The following SHC1 variants were observed in gnomAD, a reference collection of about 807,000 sequenced individuals.
SHC1 encodes SHC-transforming protein 1.
In SHC1, 30 loss-of-function variants were observed where a neutral mutation model predicts 55.9. The observed-to-expected ratio is 0.54, with a 90% CI of 0.40 to 0.73. The LOEUF is 0.73. Ranked by LOEUF, SHC1 falls within the 30% of genes least tolerant of loss-of-function variation. The pLI is 0.00. For synonymous variants in SHC1, 309 were observed against 306.1 expected (o/e 1.01, Z -0.10); for missense variants, 675 against 777.1 (o/e 0.87, Z 1.56).
At position 154,963,850 on chromosome 1, in the gene SHC1, C is replaced by A. The variant is rs1208534388; in HGVS notation, c.1708G>T (p.Ala570Ser). The A allele has an allele frequency of 2.5e-6, 4 of 1,613,970 alleles. No individual in the cohort carries two copies. Among genetic ancestry groups the A allele is most frequent in the Non-Finnish European group, 3.4e-6 (4 of 1,179,968 alleles). Residue 570 changes from alanine to serine, a missense_variant, in exon 12 of 12, where the codon GCG becomes TCG. Around this residue, in one of 3 missense-constraint regions of SHC1, gnomAD observed 360 missense variants for 371.1 expected, o/e 0.97. Transcript: ENST00000448116. The part of the protein sequence containing the change: ...HMDNHLPIIS[A>S]GSELCLQQPV... Reference sequence around the variant, plus strand: ...TGCTGTAGACACAGTTCGCTGCCCGCAGAGATGATGGGCAAGTGATTGTCC... The same window carrying A: ...TGCTGTAGACACAGTTCGCTGCCCGAAGAGATGATGGGCAAGTGATTGTCC...
At position 154,964,051 on chromosome 1, in the gene SHC1, G is replaced by C. The variant is rs766244676; in HGVS notation, c.1627-120C>G. ...TGAAGGAGGAGAAAAAAATGGTGGG[G>C]GAGAGTGTGGCCTGTCAATCCTGAT... On this transcript the variant is annotated intron_variant, in intron 11 of 11. Coordinates refer to ENST00000448116, the MANE Select transcript of SHC1 (RefSeq NM_001130040.2). 6 of 1,018,116 alleles carry C rather than the reference G, an allele frequency of 5.9e-6. No homozygotes were observed. The East Asian group carries it at 1.4e-4, about 24-fold the overall frequency. The allele number at this position is 1,018,116 out of a possible 1,614,324, so 63.1% of individuals were successfully genotyped here.
At chr1:154,968,291 G>A (rs770948378) in intron 4 of SHC1, 34 bp from the exon 5 acceptor site, 1 of 1,609,898 alleles carries the variant, frequency 6.2e-7, no homozygotes, top group Admixed American at 1.7e-5. Flanking sequence ...AGAAGGAAGG[G>A]AATGCCATGT....
chr1:154,970,082 G>A lies in SHC1; in HGVS notation c.445C>T (p.Leu149=). Residue 149 remains leucine, a synonymous_variant, in exon 1 of 12, where the codon CTG becomes TTG. Coordinates refer to ENST00000448116, the MANE Select transcript of SHC1 (RefSeq NM_001130040.2). The surrounding 1 kb of genome is among the most constrained non-coding windows in gnomAD (Gnocchi z 5.5). ...CCCATGACTTTGTCGTTGGGATGCA[G>A]CCAGCCCCGCGTGGGCTTATTGACA... is the stretch of plus-strand genomic sequence containing the variant. ...SFVNKPTRGW[L]HPNDKVMGPG... The A allele has an allele frequency of 6.2e-6, 10 of 1,614,026 alleles. No individual in the cohort carries two copies. The highest frequency in any genetic ancestry group is 8.5e-6 in the Non-Finnish European group (10 of 1,179,996).
intron 4 of SHC1, 103 bp downstream of exon 4, chr1:154,968,392 G>A: frequency 6.4e-7 from 1 of 1,553,984 alleles, no homozygotes; most frequent in Non-Finnish European, 8.9e-7. Flanking sequence ...TTCCCTACTG[G>A]TCTCCTGCTC....
At chr1:154,969,773 A>G (rs1656499620) in intron 1 of SHC1, among the ~76,000 whole-genome samples, 1 of 150,134 alleles carries the variant, frequency 6.7e-6, no homozygotes. Context: ...AACACTTATT[A>G]AGAGCTTCTG....
chr1:154,967,920 A>G (rs1456678157), intron 6 of SHC1, 60 bp downstream of exon 6: 4 of 1,607,700 alleles, frequency 2.5e-6, no homozygotes, highest in Admixed American at 1.7e-5. Flanking sequence ...CAGATGACCA[A>G]AGGTCCTACT....
At chr1:154,964,047 TGGG>T (rs1334743587) in intron 11 of SHC1, 116 bp from the exon 12 acceptor site, 2 of 1,063,886 alleles carry the variant, frequency 1.9e-6, no homozygotes, top group African/African-American at 3.1e-5. Context: ...AAAAAAATGG[TGGG>T]GGAGAGTGTG....
In SHC1 at chr1:154,970,514, G is replaced by C. The variant is rs1433894167; in HGVS notation, c.13C>G (p.Pro5Ala). 3.1e-6 allele frequency: 5 copies of C among 1,606,916 alleles called. No individual in the cohort carries two copies. The highest frequency in any genetic ancestry group is 1.7e-5 in the Admixed American group (1 of 58,792). Residue 5 changes from proline to alanine, a missense_variant, in exon 1 of 12, where the codon CCC (proline) becomes GCC (alanine). By Grantham distance (27) the Pro-to-Ala change is conservative. Coordinates refer to ENST00000448116, the MANE Select transcript of SHC1 (RefSeq NM_001130040.2). The surrounding 1 kb of genome is among the most constrained non-coding windows in gnomAD (Gnocchi z 5.5). MDLL[P>A]PKPKYNPLRN... ...AGTGGATTGTACTTGGGCTTGGGGG[G>C]CAGGAGATCCATAGTTGAGGTGAAA...
At chr1:154,968,999 T>C in intron 2 of SHC1, 165 bp from the exon 3 acceptor site, 2 of 657,490 alleles carry the variant, frequency 3.0e-6, no homozygotes, top group Non-Finnish European at 5.4e-6. Context: ...TTGATGACAC[T>C]GAGAGGCCAC....
chr1:154,974,158 C>T (rs1469544680), upstream of SHC1: 2 of 154,056 alleles, frequency 1.3e-5, no homozygotes, highest in African/African-American at 4.8e-5. Context: ...AGGGGCGGGA[C>T]TTATAAATGA....
chr1:154,963,745 T>C lies in SHC1; in HGVS notation c.*58A>G. ...CACTCCCAAACGAGGTCCCGAGAGT[T>C]AGGGAATAGGGTGGAAAGGATTGGA... On this transcript the variant is annotated 3_prime_UTR_variant, in exon 12 of 12. Transcript: ENST00000448116. 1 of 1,592,838 alleles carries C rather than the reference T, an allele frequency of 6.3e-7. No individual in the cohort carries two copies. Among genetic ancestry groups the C allele is most frequent in the East Asian group, 2.2e-5 (1 of 44,500 alleles).
chr1:154,967,345 G>T (rs914982206), intron 7 of SHC1, among the ~76,000 whole-genome samples: 17 of 152,228 alleles, frequency 1.1e-4, no homozygotes, highest in South Asian at 6.2e-4. Flanking sequence ...GCTTCTAGAG[G>T]CAGGAAAACA....
At chr1:154,965,880 G>A in intron 10 of SHC1, 66 bp downstream of exon 10, 2 of 1,577,996 alleles carry the variant, frequency 1.3e-6, no homozygotes, top group South Asian at 1.2e-5. Flanking sequence ...AGAGCAGATA[G>A]GCAGGAGAAG....
Position 154,968,830 on chromosome 1 carries a change from C to A in SHC1, c.571G>T (p.Ala191Ser). ...ACAGCCTCACACACCAGACTGATGG[C>A]CTCCCTGGGGAAAGAGGGGTACTCA... ...FNTRTQVTRE[A>S]ISLVCEAVPG... The change falls in exon 3 of 12, where the codon GCC becomes TCC. Residue 191 changes from alanine to serine, a missense_variant. Ala to Ser is a moderately conservative substitution (Grantham distance 99). Around this residue, in one of 3 missense-constraint regions of SHC1, gnomAD observed 159 missense variants for 246.9 expected, o/e 0.64. Transcript: ENST00000448116. 5 of 1,613,976 alleles carry A rather than the reference C, an allele frequency of 3.1e-6. No homozygotes were observed. The highest frequency in any genetic ancestry group is 4.2e-6 in the Non-Finnish European group (5 of 1,179,862).
In SHC1 at chr1:154,968,759, G is replaced by T; in HGVS notation, c.630+12C>A. ...TCCCAGCAGCATCCCTATCCCCAAG[G>T]ACCCCAAGTACCTTTCTCCTCCTTG... is the stretch of plus-strand genomic sequence containing the variant. On this transcript the variant is annotated intron_variant, in intron 3 of 11. Coordinates refer to ENST00000448116, the MANE Select transcript of SHC1 (RefSeq NM_001130040.2). The T allele has an allele frequency of 6.2e-7, 1 of 1,612,986 alleles. No homozygotes were observed. Among genetic ancestry groups the T allele is most frequent in the Non-Finnish European group, 8.5e-7 (1 of 1,179,230 alleles).
At chr1:154,971,865 C>G (rs1373021791), upstream of SHC1, among the ~76,000 whole-genome samples, 1 of 152,056 alleles carries the variant, frequency 6.6e-6, no homozygotes, top group African/African-American at 2.4e-5. Flanking sequence ...AGTCCCAAAC[C>G]CATTCCTGCC....
intron 11 of SHC1, among the ~76,000 whole-genome samples, chr1:154,964,861 ATCT>A (rs894020705): frequency 6.6e-6 from 1 of 152,204 alleles, no homozygotes; most frequent in Non-Finnish European, 1.5e-5. Flanking sequence ...AAGCCCTTGG[ATCT>A]TCTTACAAAA....
intron 3 of SHC1, 29 bp downstream of exon 3, chr1:154,968,742 G>A (rs541739608): frequency 6.2e-7 from 1 of 1,611,400 alleles, no homozygotes; most frequent in Admixed American, 1.7e-5. Flanking sequence ...TTTCCCAGCA[G>A]CATCCCTATC....
In SHC1 at chr1:154,970,508, T is replaced by C. The variant is rs1363296329; in HGVS notation, c.19A>G (p.Lys7Glu). 6.2e-7 allele frequency: 1 copy of C among 1,608,180 alleles called. No individual in the cohort carries two copies. The highest frequency in any genetic ancestry group is 8.5e-7 in the Non-Finnish European group (1 of 1,177,942). The change falls in exon 1 of 12, where the codon AAG becomes GAG. Residue 7 changes from lysine (K) to glutamate (E), a missense_variant. Around this residue, in one of 3 missense-constraint regions of SHC1, gnomAD observed 156 missense variants for 159.1 expected, o/e 0.98. Transcript: ENST00000448116. This position sits in a 1 kb window ranked among gnomAD's most constrained non-coding sequence, Gnocchi z 5.5. MDLLPP[K>E]PKYNPLRNES... ...TTCCGGAGTGGATTGTACTTGGGCT[T>C]GGGGGGCAGGAGATCCATAGTTGAG...
Sources: allele counts gnomAD v4.1 joint callset (sites outside exome capture counted in the v4.1 genomes callset), GRCh38; gene constraint gnomAD v4.1.1; regional missense constraint gnomAD v4.1.1; non-coding constraint Gnocchi (gnomAD v3.1); transcripts MANE v1.5; gene names NCBI Gene and HGNC (gene_info 2026-07-23, HGNC 2026-07-21).